The following LMNB2 variants were observed in gnomAD, a reference collection of about 807,000 sequenced individuals.
LMNB2 encodes the protein lamin B2, also known as lamin-B2.
LMNB2 carries 17 observed loss-of-function variants against 69.3 expected under a neutral mutation model. The ratio of observed to expected loss-of-function variants is 0.25; its 90% confidence interval spans 0.17 to 0.37. The LOEUF (loss-of-function observed/expected upper bound fraction) is 0.37, where lower values mean the gene tolerates loss of function less well. Ranked by LOEUF, LMNB2 falls within the 10% of genes least tolerant of loss-of-function variation. LMNB2 has a pLI of 1.00. For synonymous variants in LMNB2, 397 were observed against 389.3 expected (o/e 1.02, Z -0.23); for missense variants, 789 against 883.6 (o/e 0.89, Z 1.36).
chr19:2,449,749 C>T (rs1971999068), intron 1 of LMNB2, among the ~76,000 whole-genome samples: 1 of 151,660 alleles, frequency 6.6e-6, no homozygotes, highest in South Asian at 2.1e-4. Flanking sequence ...TACGCTGCAG[C>T]CTGGGTGGTA....
At position 2,430,306 on chromosome 19, in the gene LMNB2, G is replaced by A. The variant is rs1599328602; in HGVS notation, c.*605C>T. The A allele has an allele frequency of 5.7e-6, 1 of 174,516 alleles. No individual in the cohort carries two copies. Among genetic ancestry groups the A allele is most frequent in the Non-Finnish European group, 1.2e-5 (1 of 80,490 alleles). 10.8% of individuals were successfully genotyped at this position (174,516 alleles called of 1,614,324 possible). ...CAACGGTCCGAGAAACCCGGCCGGT[G>A]CGCTGCCAGAACGGGAATCTGGAAG... On this transcript the variant is annotated 3_prime_UTR_variant, in exon 12 of 12. Coordinates refer to ENST00000325327, the MANE Select transcript of LMNB2 (RefSeq NM_032737.4).
intron 11 of LMNB2, 77 bp from the exon 12 acceptor site, chr19:2,431,029 C>A: frequency 1.1e-6 from 1 of 869,756 alleles, no homozygotes; most frequent in Non-Finnish European, 2.0e-6. Context: ...TGGCTGCCCC[C>A]ACCTCCCCAC....
At chr19:2,432,349 T>G in intron 9 of LMNB2, 67 bp downstream of exon 9, 5 of 503,066 alleles carry the variant, frequency 9.9e-6, no homozygotes, top group Non-Finnish European at 1.6e-5. Flanking sequence ...GTCCTGTGCC[T>G]CCAGTCCCCT....
intron 11 of LMNB2, among the ~76,000 whole-genome samples, chr19:2,431,306 G>T (rs1274442815): frequency 2.6e-5 from 4 of 152,146 alleles, no homozygotes; most frequent in Admixed American, 6.5e-5. Flanking sequence ...CCTCTCAGGG[G>T]ACCCCCTGGC....
intron 9 of LMNB2, 83 bp downstream of exon 9, chr19:2,432,333 C>CCCCCCAG: frequency 1.1e-6 from 1 of 906,306 alleles, no homozygotes; most frequent in Non-Finnish European, 1.8e-6. Flanking sequence ...CACCCACCCC[C>CCCCCCAG]GCCAAGTCCT....
At chr19:2,449,151 C>A (rs765510699) in intron 1 of LMNB2, among the ~76,000 whole-genome samples, 2 of 152,202 alleles carry the variant, frequency 1.3e-5, no homozygotes, top group Non-Finnish European at 2.9e-5. Context: ...CCTGCCCCAG[C>A]CTCCCAAAGT....
At chr19:2,437,464 T>G (rs1288261662) in intron 4 of LMNB2, among the ~76,000 whole-genome samples, 1 of 152,192 alleles carries the variant, frequency 6.6e-6, no homozygotes, top group African/African-American at 2.4e-5. Context: ...CACCAAGCTT[T>G]TAGAAAGGCA....
rs1335944856 is a variant in LMNB2 at position 2,453,735 on chromosome 19, G to A, written c.264+2935C>T. On this transcript the variant is annotated intron_variant, in intron 1 of 11. Coordinates refer to ENST00000325327, the MANE Select transcript of LMNB2 (RefSeq NM_032737.4). The surrounding 1 kb of genome is among the most constrained non-coding windows in gnomAD (Gnocchi z 4.4). Reference sequence around the variant, plus strand: ...TGGGCCAGGCTCCCTCTAGGGCACAGGGCCGGTCCAATGGGGCGTCCAGTG... The same window carrying A: ...TGGGCCAGGCTCCCTCTAGGGCACAAGGCCGGTCCAATGGGGCGTCCAGTG... Among the ~76,000 whole-genome samples, 1 of 152,188 alleles carries A rather than the reference G, an allele frequency of 6.6e-6. No homozygotes were observed. Among genetic ancestry groups the A allele is most frequent in the East Asian group, 1.9e-4 (1 of 5,188 alleles).
chr19:2,440,823 CCCATCCAGCCAT>C (rs1415372504), intron 2 of LMNB2, among the ~76,000 whole-genome samples: 3 of 151,934 alleles, frequency 2.0e-5, no homozygotes, highest in Non-Finnish European at 4.4e-5. Flanking sequence ...CATCCGTCCA[CCCATCCAGCCAT>C]CCATCCATCA....
At chr19:2,431,130 C>T (rs75133649) in intron 11 of LMNB2, among the ~76,000 whole-genome samples, 178 bp from the exon 12 acceptor site, 7,261 of 152,298 alleles carry the variant, frequency 0.048, 347 homozygotes, top group East Asian at 0.26. Flanking sequence ...GCTACACATT[C>T]TGTTCTGGGT....
intron 1 of LMNB2, among the ~76,000 whole-genome samples, chr19:2,451,511 C>T (rs1284182614): frequency 6.6e-6 from 1 of 152,226 alleles, no homozygotes; most frequent in Non-Finnish European, 1.5e-5. Context: ...GAGGCTGGGG[C>T]ACCTCACAAA....
intron 9 of LMNB2, 74 bp downstream of exon 9, chr19:2,432,342 C>A: frequency 9.0e-7 from 1 of 1,106,416 alleles, no homozygotes; most frequent in South Asian, 1.2e-5. Flanking sequence ...CCGCCAAGTC[C>A]TGTGCCTCCA....
intron 7 of LMNB2, 40 bp from the exon 8 acceptor site, chr19:2,434,145 C>A: frequency 1.9e-6 from 3 of 1,559,210 alleles, no homozygotes; most frequent in Non-Finnish European, 2.6e-6. Context: ...GTAGTGGGAG[C>A]CCCAGACAGC....
In LMNB2 at chr19:2,430,605, T is replaced by C; in HGVS notation, c.*306A>G. Reference sequence around the variant, plus strand: ...GTCCCCTCGCTAGCCTCGCCGGCCCTCCTCCCTCCAAGCCCAAGCATCTTC... The same window carrying C: ...GTCCCCTCGCTAGCCTCGCCGGCCCCCCTCCCTCCAAGCCCAAGCATCTTC... On this transcript the variant is annotated 3_prime_UTR_variant, in exon 12 of 12. Coordinates refer to ENST00000325327, the MANE Select transcript of LMNB2 (RefSeq NM_032737.4). 2.1e-6 allele frequency: 1 copy of C among 481,692 alleles called. No homozygotes were observed. Among genetic ancestry groups the C allele is most frequent in the Non-Finnish European group, 3.8e-6 (1 of 262,904 alleles). The allele number at this position is 481,692 out of a possible 1,614,324, so 29.8% of individuals were successfully genotyped here.
Position 2,440,040 on chromosome 19 carries a change from C to T in LMNB2, c.402-1509G>A, listed in dbSNP as rs578251058. ...AACCACTGCGCCTGGTCCCCCAGGG[C>T]CTTTCAAAAGACCACCTAGGCATTT... On this transcript the variant is annotated intron_variant, in intron 2 of 11. Coordinates refer to ENST00000325327, the MANE Select transcript of LMNB2 (RefSeq NM_032737.4). Among the ~76,000 whole-genome samples, 4 of 151,942 alleles carry T rather than the reference C, an allele frequency of 2.6e-5. No individual in the cohort carries two copies. The East Asian group carries it at 7.8e-4, about 30-fold the overall frequency.
intron 4 of LMNB2, among the ~76,000 whole-genome samples, chr19:2,435,734 G>A (rs2145450156): frequency 6.6e-6 from 1 of 152,056 alleles, no homozygotes; most frequent in East Asian, 1.9e-4. Flanking sequence ...TGAGACAAGA[G>A]AATCGCTTGA....
At chr19:2,442,225 G>A (rs981016562) in intron 2 of LMNB2, among the ~76,000 whole-genome samples, 3 of 152,190 alleles carry the variant, frequency 2.0e-5, no homozygotes, top group African/African-American at 7.2e-5. Flanking sequence ...GGAGGCTGAG[G>A]TGGGAGGATC....
chr19:2,434,803 G>A lies in LMNB2; in HGVS notation c.966C>T (p.Ser322=), dbSNP rs147230681. ...MRLESLSYQL[S]GLQKQASAAE... Reference sequence around the variant, plus strand: ...TGCTCATCACCTGCTTCTGGAGGCCGGAGAGCTGGTAGCTGAGGGACTCCA... The same window carrying A: ...TGCTCATCACCTGCTTCTGGAGGCCAGAGAGCTGGTAGCTGAGGGACTCCA... The change falls in exon 6 of 12, where the codon TCC becomes TCT. Residue 322 remains serine (S), a synonymous_variant. Coordinates refer to ENST00000325327, the MANE Select transcript of LMNB2 (RefSeq NM_032737.4). 33 of 1,607,368 alleles carry A rather than the reference G, an allele frequency of 2.1e-5. No individual in the cohort carries two copies. The African/African-American group carries it at 2.8e-4, about 14-fold the overall frequency.
intron 9 of LMNB2, 24 bp downstream of exon 9, chr19:2,432,392 T>C (rs1263193265): frequency 1.8e-6 from 2 of 1,133,890 alleles, no homozygotes. Flanking sequence ...GTGGCCACCC[T>C]CGCCCTCCTG....
Sources: gnomAD v4.1 joint callset for allele counts (sites outside exome capture counted in the v4.1 genomes callset) on GRCh38, gnomAD v4.1.1 for gene constraint, Gnocchi (gnomAD v3.1) non-coding constraint, MANE v1.5 for transcripts, NCBI Gene and HGNC (gene_info 2026-07-23, HGNC 2026-07-21) for gene names.